The following RIT2 variants were observed in gnomAD, a reference collection of about 807,000 sequenced individuals.
RIT2 encodes Ras like without CAAX 2.
RIT2 carries 24 observed loss-of-function variants against 23.7 expected under a neutral mutation model. The ratio of observed to expected loss-of-function variants is 1.01; its 90% confidence interval spans 0.73 to 1.43. RIT2 has a LOEUF of 1.43. Among genes scored for constraint, RIT2 ranks in the 40% most tolerant of loss-of-function variants. RIT2 has a pLI of 0.00. For synonymous variants in RIT2, 107 were observed against 91.1 expected (o/e 1.17, Z -0.99); for missense variants, 236 against 266.9 (o/e 0.88, Z 0.81).
intron 2 of RIT2, among the ~76,000 whole-genome samples, chr18:43,029,449 C>G (rs1911804485): frequency 6.6e-6 from 1 of 151,964 alleles, no homozygotes; most frequent in South Asian, 2.1e-4. Context: ...AAGCTGTTTT[C>G]TTTCCAAAGG....
chr18:42,940,094 T>G (rs41439051), intron 3 of RIT2, among the ~76,000 whole-genome samples: 4,932 of 151,526 alleles, frequency 0.033, 247 homozygotes, highest in African/African-American at 0.11. Flanking sequence ...ATACATTTTA[T>G]GCCCCCATGC....
At chr18:42,809,123 T>A (rs541395531) in intron 4 of RIT2, among the ~76,000 whole-genome samples, 1 of 152,092 alleles carries the variant, frequency 6.6e-6, no homozygotes, top group Admixed American at 6.6e-5. Flanking sequence ...TTAATAGAAA[T>A]ATGAAATTCG....
intron 3 of RIT2, among the ~76,000 whole-genome samples, chr18:42,940,906 CA>C (rs1909586087): frequency 6.6e-6 from 1 of 152,062 alleles, no homozygotes; most frequent in South Asian, 2.1e-4. Context: ...TTTTATGGTA[CA>C]AAATCTTGCT....
intron 3 of RIT2, among the ~76,000 whole-genome samples, chr18:42,962,169 A>T (rs1910108189): frequency 6.6e-6 from 1 of 152,208 alleles, no homozygotes; most frequent in South Asian, 2.1e-4. Context: ...TACCAGAAAG[A>T]ACTTTGGATT....
At chr18:42,833,545 T>G (rs1472273716) in intron 4 of RIT2, among the ~76,000 whole-genome samples, 1 of 152,152 alleles carries the variant, frequency 6.6e-6, no homozygotes, top group African/African-American at 2.4e-5. Context: ...TGTACAGCAT[T>G]TTACATTACA....
intron 3 of RIT2, among the ~76,000 whole-genome samples, chr18:42,957,316 A>G (rs548577349): frequency 6.6e-6 from 1 of 152,292 alleles, no homozygotes; most frequent in South Asian, 2.1e-4. Context: ...TCTAGAATCT[A>G]TAAGAATTCA....
At chr18:43,064,296 T>C (rs1414042217) in intron 1 of RIT2, among the ~76,000 whole-genome samples, 1 of 152,186 alleles carries the variant, frequency 6.6e-6, no homozygotes, top group African/African-American at 2.4e-5. Context: ...AAAACATTTG[T>C]TAAGCGTTGG....
intron 3 of RIT2, among the ~76,000 whole-genome samples, chr18:42,960,349 G>A (rs965910462): frequency 5.3e-5 from 8 of 152,078 alleles, no homozygotes; most frequent in African/African-American, 1.4e-4. Context: ...TCGCTCTGTC[G>A]CCAAGGTTGG....
At chr18:43,018,092 TCAAA>T in intron 2 of RIT2, among the ~76,000 whole-genome samples, 1 of 152,050 alleles carries the variant, frequency 6.6e-6, no homozygotes, top group Non-Finnish European at 1.5e-5. Flanking sequence ...GGGCTCAAGG[TCAAA>T]CAGCTTGTAA....
At chr18:42,786,858 C>T (rs188503962) in intron 4 of RIT2, among the ~76,000 whole-genome samples, 8 of 152,198 alleles carry the variant, frequency 5.3e-5, no homozygotes, top group Non-Finnish European at 2.9e-5. Context: ...CCCCGTGATC[C>T]TATGTTGTTT....
At chr18:42,967,432 T>A (rs565922489) in intron 3 of RIT2, among the ~76,000 whole-genome samples, 1 of 151,858 alleles carries the variant, frequency 6.6e-6, no homozygotes, top group East Asian at 1.9e-4. Flanking sequence ...TGCAGTGGCG[T>A]GATCTCGGCT....
intron 4 of RIT2, among the ~76,000 whole-genome samples, chr18:42,905,921 AT>A (rs1246892473): frequency 1.3e-5 from 2 of 149,250 alleles, no homozygotes; most frequent in African/African-American, 5.0e-5. Context: ...AAAAAAAAAA[AT>A]ATTTATAAGC....
chr18:42,928,986 G>A (rs1334833459), intron 3 of RIT2, among the ~76,000 whole-genome samples: 2 of 137,626 alleles, frequency 1.5e-5, no homozygotes, highest in Admixed American at 7.9e-5. Context: ...AGGCATGTAA[G>A]ATTTGAGATT....
intron 2 of RIT2, among the ~76,000 whole-genome samples, chr18:43,004,030 T>A (rs920007617): frequency 1.3e-5 from 2 of 151,728 alleles, no homozygotes; most frequent in African/African-American, 4.8e-5. Context: ...TGTACTGATT[T>A]TTCCCCCCGC....
Position 43,115,537 on chromosome 18 carries a change from A to C in RIT2, c.-18T>G, listed in dbSNP as rs764978637. 3.7e-6 allele frequency: 6 copies of C among 1,603,286 alleles called. No homozygotes were observed. The Admixed American group carries it at 1.1e-4, about 28-fold the overall frequency. On this transcript the variant is annotated 5_prime_UTR_variant, in exon 1 of 5. Transcript: ENST00000326695. ...ACCTCCATCTTACCCGAGGGACCGGAGGAAAAAAAGAAGGAGAAAGTCACC... is the reference window on the plus strand; with the variant it reads ...ACCTCCATCTTACCCGAGGGACCGGCGGAAAAAAAGAAGGAGAAAGTCACC...
chr18:42,996,088 A>G (rs999333472), intron 2 of RIT2, among the ~76,000 whole-genome samples: 8 of 152,138 alleles, frequency 5.3e-5, no homozygotes, highest in African/African-American at 1.9e-4. Context: ...TAGACCTTTA[A>G]TACCTGTTTT....
intron 4 of RIT2, among the ~76,000 whole-genome samples, chr18:42,809,813 CTT>C (rs1180771717): frequency 5.0e-5 from 7 of 139,528 alleles, no homozygotes; most frequent in Non-Finnish European, 7.7e-5. Flanking sequence ...ATCTTTATAA[CTT>C]ATATATATAA....
chr18:43,056,798 C>G (rs1042375438), intron 1 of RIT2, among the ~76,000 whole-genome samples: 2 of 152,072 alleles, frequency 1.3e-5, no homozygotes, highest in Non-Finnish European at 1.5e-5. Flanking sequence ...CTGGGCTTCG[C>G]CAGGGAGGAA....
intron 1 of RIT2, among the ~76,000 whole-genome samples, chr18:43,088,610 A>G (rs1913343181): frequency 6.6e-6 from 1 of 152,222 alleles, no homozygotes; most frequent in African/African-American, 2.4e-5. Flanking sequence ...GCAAAATTCA[A>G]AATAAATTAT....
Sources: allele counts gnomAD v4.1 joint callset (sites outside exome capture counted in the v4.1 genomes callset), GRCh38; gene constraint gnomAD v4.1.1; transcripts MANE v1.5; gene names NCBI Gene and HGNC (gene_info 2026-07-23, HGNC 2026-07-21).